The following SPOCK3 variants were observed in gnomAD, a reference collection of about 807,000 sequenced individuals.
The protein encoded by SPOCK3 is testican-3.
In SPOCK3, 30 loss-of-function variants were observed where a neutral mutation model predicts 56.6. That is an observed-to-expected ratio of 0.53 (90% CI 0.40 to 0.72). SPOCK3 has a LOEUF of 0.72. Among genes scored for constraint, SPOCK3 ranks in the 30% least tolerant of loss-of-function variants. The pLI is 0.00. For missense variants in SPOCK3, 527 were observed against 530.0 expected (o/e 0.99, Z 0.06); for synonymous variants, 196 against 183.3 (o/e 1.07, Z -0.56).
intron 7 of SPOCK3, among the ~76,000 whole-genome samples, chr4:166,786,201 C>T (rs1265242652): frequency 6.6e-6 from 1 of 152,030 alleles, no homozygotes; most frequent in African/African-American, 2.4e-5. Flanking sequence ...ATACAGATAC[C>T]TGGGGGAAGA....
chr4:166,798,693 G>C (rs966176647), intron 6 of SPOCK3, among the ~76,000 whole-genome samples: 3 of 152,048 alleles, frequency 2.0e-5, no homozygotes, highest in African/African-American at 7.2e-5. Context: ...AGCAAAATTT[G>C]TTTGCAATAT....
intron 2 of SPOCK3, among the ~76,000 whole-genome samples, chr4:167,179,268 G>C (rs961812527): frequency 6.6e-6 from 1 of 152,004 alleles, no homozygotes; most frequent in Non-Finnish European, 1.5e-5. Flanking sequence ...TAGGATGAAA[G>C]TCTCCATTTT....
chr4:166,753,735 T>C (rs1270200596), intron 8 of SPOCK3, among the ~76,000 whole-genome samples: 1 of 152,058 alleles, frequency 6.6e-6, no homozygotes, highest in Admixed American at 6.6e-5. Flanking sequence ...CCAGGGTATT[T>C]TCCTAAATTA....
chr4:167,087,245 G>A (rs1281185200), intron 2 of SPOCK3, among the ~76,000 whole-genome samples: 1 of 151,988 alleles, frequency 6.6e-6, no homozygotes, highest in Admixed American at 6.6e-5. Context: ...AAACATAGCT[G>A]TTCCATAAAG....
chr4:167,155,497 A>C (rs1384830363), intron 2 of SPOCK3, among the ~76,000 whole-genome samples: 1 of 152,230 alleles, frequency 6.6e-6, no homozygotes. Flanking sequence ...AGTTATGATA[A>C]ATATATGAAA....
At chr4:166,800,199 A>AAAAAAAAAAAAAAAAAAAAAAAAAAAT (rs1742426035) in intron 6 of SPOCK3, among the ~76,000 whole-genome samples, 1 of 145,940 alleles carries the variant, frequency 6.9e-6, no homozygotes, top group Non-Finnish European at 1.5e-5. Context: ...AAAAAAAAAA[A>AAAAAAAAAAAAAAAAAAAAAAAAAAAT]AAAAAAATGA....
chr4:167,048,409 C>T (rs1024480527), intron 3 of SPOCK3, among the ~76,000 whole-genome samples: 3 of 151,690 alleles, frequency 2.0e-5, no homozygotes, highest in African/African-American at 2.4e-5. Context: ...AAATAAGTGT[C>T]GGAAGAAACC....
intron 6 of SPOCK3, among the ~76,000 whole-genome samples, chr4:166,872,556 C>T (rs1194737229): frequency 1.3e-5 from 2 of 152,254 alleles, no homozygotes; most frequent in East Asian, 3.9e-4. Context: ...AGATATCCTT[C>T]AGTATGTAAA....
chr4:167,128,093 T>G (rs980566031), intron 2 of SPOCK3, among the ~76,000 whole-genome samples: 1 of 152,210 alleles, frequency 6.6e-6, no homozygotes, highest in African/African-American at 2.4e-5. Flanking sequence ...TTACTAGATC[T>G]TTGCTTTCAG....
intron 2 of SPOCK3, among the ~76,000 whole-genome samples, chr4:167,169,391 G>A (rs1352877455): frequency 6.6e-6 from 1 of 152,190 alleles, no homozygotes; most frequent in African/African-American, 2.4e-5. Context: ...TCTTGCATCA[G>A]CATGACCTGG....
chr4:166,989,449 A>G (rs966824324), intron 4 of SPOCK3, among the ~76,000 whole-genome samples: 5 of 152,126 alleles, frequency 3.3e-5, no homozygotes, highest in Non-Finnish European at 7.4e-5. Context: ...GTGAAGCCCC[A>G]TAGTCTAGAG....
chr4:166,821,989 G>A (rs190913114), intron 6 of SPOCK3, among the ~76,000 whole-genome samples: 79 of 152,062 alleles, frequency 5.2e-4, no homozygotes, highest in Admixed American at 2.6e-3. Flanking sequence ...ACAAATGATC[G>A]AGTAGGTATT....
intron 5 of SPOCK3, among the ~76,000 whole-genome samples, chr4:166,892,502 G>C (rs1303482564): frequency 6.6e-6 from 1 of 151,686 alleles, no homozygotes; most frequent in African/African-American, 2.4e-5. Flanking sequence ...AAGAATATTA[G>C]GACATTAAAA....
At chr4:167,086,154 C>T (rs60075852) in intron 2 of SPOCK3, among the ~76,000 whole-genome samples, 30,095 of 151,788 alleles carry the variant, frequency 0.2, 3,965 homozygotes, top group African/African-American at 0.36. Flanking sequence ...AATAAAATAG[C>T]GAAATTTTAC....
At chr4:167,183,115 T>C (rs188598262) in intron 2 of SPOCK3, among the ~76,000 whole-genome samples, 132 of 152,070 alleles carry the variant, frequency 8.7e-4, no homozygotes, top group African/African-American at 2.8e-3. Context: ...AGTTAGAGAA[T>C]ATGGAACAGA....
intron 2 of SPOCK3, among the ~76,000 whole-genome samples, chr4:167,191,614 A>T (rs1732474712): frequency 6.9e-6 from 1 of 145,126 alleles, no homozygotes; most frequent in Non-Finnish European, 1.5e-5. Context: ...AATGCAAATA[A>T]TTTTTTATAT....
chr4:166,966,859 A>C (rs1288355029), intron 4 of SPOCK3, among the ~76,000 whole-genome samples: 12 of 152,148 alleles, frequency 7.9e-5, no homozygotes, highest in Non-Finnish European at 1.3e-4. Context: ...ACACTGTTAT[A>C]GTGATAAATT....
intron 3 of SPOCK3, among the ~76,000 whole-genome samples, chr4:167,030,691 T>A (rs191020378): frequency 1.7e-4 from 26 of 152,102 alleles, no homozygotes; most frequent in Admixed American, 4.6e-4. Context: ...AATAAACCTA[T>A]GTGAATGTCC....
intron 4 of SPOCK3, among the ~76,000 whole-genome samples, chr4:166,915,578 C>T (rs1737756522): frequency 6.6e-6 from 1 of 151,890 alleles, no homozygotes; most frequent in African/African-American, 2.4e-5. Flanking sequence ...TTTGAAGGCC[C>T]CATTTAAGAG....
Sources: allele counts gnomAD v4.1 joint callset (sites outside exome capture counted in the v4.1 genomes callset), GRCh38; gene constraint gnomAD v4.1.1; transcripts MANE v1.5; gene names NCBI Gene and HGNC (gene_info 2026-07-23, HGNC 2026-07-21).